Variants in PAX5 observed in about 807,000 individuals in gnomAD.
The protein encoded by PAX5 is paired box protein Pax-5.
A neutral mutation model predicts 43.7 loss-of-function variants in PAX5; 9 were observed. The ratio of observed to expected loss-of-function variants is 0.21; its 90% CI spans 0.12 to 0.36. The LOEUF (loss-of-function observed/expected upper bound fraction) is 0.36. PAX5 is among the 10% of genes least tolerant of loss of function. PAX5 has a pLI of 1.00. For missense variants in PAX5, 383 were observed against 532.7 expected (o/e 0.72, Z 2.77); for synonymous variants, 228 against 214.3 (o/e 1.06, Z -0.56).
At chr9:36,959,730 C>T (rs1833791920) in intron 6 of PAX5, among the ~76,000 whole-genome samples, 1 of 152,246 alleles carries the variant, frequency 6.6e-6, no homozygotes, top group South Asian at 2.1e-4. Flanking sequence ...CCCCAGGTTG[C>T]ATCTCCAGGA....
At chr9:36,972,870 A>G (rs1429868230) in intron 5 of PAX5, among the ~76,000 whole-genome samples, 2 of 152,008 alleles carry the variant, frequency 1.3e-5, no homozygotes, top group Non-Finnish European at 2.9e-5. Context: ...TCTACTAAAA[A>G]TAGAAAAATT....
chr9:36,865,945 C>T (rs1482571354), intron 8 of PAX5, among the ~76,000 whole-genome samples: 2 of 152,224 alleles, frequency 1.3e-5, no homozygotes, highest in South Asian at 2.1e-4. Flanking sequence ...CAAGTCTGCC[C>T]ATCCTCGGGC....
intron 7 of PAX5, chr9:36,922,648 G>A (rs1030662886): frequency 1.3e-5 from 2 of 152,270 alleles, no homozygotes; most frequent in African/African-American, 2.4e-5. Context: ...TGTGCCAGAC[G>A]AGAGTCCAAG....
At chr9:36,903,484 C>T (rs1396489892) in intron 7 of PAX5, among the ~76,000 whole-genome samples, 2 of 152,226 alleles carry the variant, frequency 1.3e-5, no homozygotes, top group Admixed American at 1.3e-4. Flanking sequence ...CACAGGGCTC[C>T]CCACAATGGA....
chr9:36,994,832 T>G (rs144493832), intron 5 of PAX5, among the ~76,000 whole-genome samples: 202 of 152,254 alleles, frequency 1.3e-3, no homozygotes, highest in African/African-American at 4.7e-3. Flanking sequence ...TTTTGCAATG[T>G]TGGTAACTAA....
At chr9:36,959,419 C>G (rs573411960) in intron 6 of PAX5, among the ~76,000 whole-genome samples, 1 of 152,320 alleles carries the variant, frequency 6.6e-6, no homozygotes, top group East Asian at 1.9e-4. Flanking sequence ...CTTCCTTGCC[C>G]ACAACCTCAA....
In PAX5 at chr9:37,015,009, C is replaced by T. The variant is rs1839274655; in HGVS notation, c.398G>A (p.Ser133Asn). ...ACGAGCCCCTCACCTGTTGATGGAACTGACGCTAGGCACGGTGTCATTGTC... is the reference window on the plus strand; with the variant it reads ...ACGAGCCCCTCACCTGTTGATGGAATTGACGCTAGGCACGGTGTCATTGTC... ...VCDNDTVPSV[S>N]SINRIIRTKV... The change falls in exon 3 of 10, where the codon AGT becomes AAT. Residue 133 changes from serine (S) to asparagine (N), a missense_variant. Transcript: ENST00000358127. The surrounding 1 kb of genome is among the most constrained non-coding windows in gnomAD (Gnocchi z 4.4). 6.2e-7 allele frequency: 1 copy of T among 1,613,876 alleles called. No homozygotes were observed. Among genetic ancestry groups the T allele is most frequent in the Admixed American group, 1.7e-5 (1 of 60,010 alleles).
intron 8 of PAX5, among the ~76,000 whole-genome samples, chr9:36,874,175 C>T (rs932222367): frequency 6.6e-6 from 1 of 152,192 alleles, no homozygotes; most frequent in East Asian, 1.9e-4. Flanking sequence ...ACACAACCAT[C>T]GTTTCAAACA....
chr9:36,925,134 C>T (rs1830547494), intron 6 of PAX5, among the ~76,000 whole-genome samples: 1 of 152,132 alleles, frequency 6.6e-6, no homozygotes, highest in East Asian at 1.9e-4. Context: ...TTCCTGGTGT[C>T]TTTCCCTTCA....
intron 8 of PAX5, among the ~76,000 whole-genome samples, chr9:36,849,048 C>G (rs1258731824): frequency 6.6e-6 from 1 of 152,204 alleles, no homozygotes; most frequent in Non-Finnish European, 1.5e-5. Flanking sequence ...TCTCCCACCC[C>G]TCCTCTTCCG....
intron 5 of PAX5, among the ~76,000 whole-genome samples, chr9:36,976,840 G>A (rs923067166): frequency 2.0e-5 from 3 of 152,202 alleles, no homozygotes; most frequent in Admixed American, 6.5e-5. Context: ...TTCCACATTC[G>A]AGGATGGCAA....
In PAX5 at chr9:36,834,009, ATG is replaced by A. The variant is rs1821462303; in HGVS notation, c.*6549_*6550del. ...TCTCAAAGAATTAAAAGCAAAATGC[ATG>A]TGTCTTCCTGGCAAAGGTTTCCATT... On this transcript the variant is annotated 3_prime_UTR_variant, in exon 10 of 10. Transcript: ENST00000358127. The A allele has an allele frequency of 8.6e-6, 2 of 233,070 alleles. No homozygotes were observed. Among genetic ancestry groups the A allele is most frequent in the African/African-American group, 4.4e-5 (2 of 45,348 alleles). The allele number at this position is 233,070 out of a possible 1,614,324, so 14.4% of individuals were successfully genotyped here.
Position 36,894,454 on chromosome 9 carries a change from G to T in PAX5, c.911-12349C>A, listed in dbSNP as rs1827679169. ...AGACTGGCCTTCTGGATTTGGGGAT[G>T]TGAAATCTTTGTAAAGGGGGCCATG... is the stretch of plus-strand genomic sequence containing the variant. On this transcript the variant is annotated intron_variant, in intron 7 of 9. Transcript: ENST00000358127. Among the ~76,000 whole-genome samples the T allele has an allele frequency of 2.0e-5, 3 of 152,192 alleles. No individual in the cohort carries two copies. The South Asian group carries it at 6.2e-4, about 32-fold the overall frequency.
At chr9:36,889,954 A>C (rs1391587263) in intron 7 of PAX5, among the ~76,000 whole-genome samples, 1 of 119,396 alleles carries the variant, frequency 8.4e-6, no homozygotes, top group African/African-American at 3.4e-5. Context: ...GGGGGGGGGG[A>C]ATGTGAATCC....
intron 6 of PAX5, among the ~76,000 whole-genome samples, chr9:36,945,915 C>T (rs1263409027): frequency 6.6e-6 from 1 of 152,192 alleles, no homozygotes; most frequent in Non-Finnish European, 1.5e-5. Context: ...CAGATCAGTG[C>T]CTGGCACATC....
chr9:36,870,252 C>T (rs569588135), intron 8 of PAX5, among the ~76,000 whole-genome samples: 1 of 152,342 alleles, frequency 6.6e-6, no homozygotes, highest in Admixed American at 6.5e-5. Flanking sequence ...GGCTCTCTCC[C>T]AAGCCCCTTC....
chr9:36,925,928 G>A (rs527833783), intron 6 of PAX5, among the ~76,000 whole-genome samples: 26 of 152,196 alleles, frequency 1.7e-4, no homozygotes, highest in South Asian at 6.2e-4. Context: ...TGCTGGCCCC[G>A]CCAAGTGGTG....
At chr9:36,983,130 CTG>C (rs1331791745) in intron 5 of PAX5, among the ~76,000 whole-genome samples, 1 of 152,172 alleles carries the variant, frequency 6.6e-6, no homozygotes, top group Non-Finnish European at 1.5e-5. Context: ...GAACATAACT[CTG>C]TGTTTCCGAC....
chr9:36,845,049 A>G (rs1340953213), intron 9 of PAX5, among the ~76,000 whole-genome samples: 3 of 152,244 alleles, frequency 2.0e-5, no homozygotes, highest in Non-Finnish European at 4.4e-5. Flanking sequence ...TGTGCCATGC[A>G]TGGGCTGGGG....
Sources: gnomAD v4.1 joint callset for allele counts (sites outside exome capture counted in the v4.1 genomes callset) on GRCh38, gnomAD v4.1.1 for gene constraint, Gnocchi (gnomAD v3.1) non-coding constraint, MANE v1.5 for transcripts, NCBI Gene and HGNC (gene_info 2026-07-23, HGNC 2026-07-21) for gene names.